The following RELN variants were observed in gnomAD, a reference collection of about 807,000 sequenced individuals.
RELN encodes reelin.
RELN carries 108 observed loss-of-function variants against 427.6 expected under a neutral mutation model. That is an observed-to-expected ratio of 0.25 (90% confidence interval 0.22 to 0.30). The LOEUF (loss-of-function observed/expected upper bound fraction) is 0.30, where lower values mean the gene tolerates loss of function less well. RELN is among the 10% of genes least tolerant of loss of function. The pLI, the probability that RELN is intolerant of heterozygous loss-of-function variation, is 1.00. For missense variants in RELN, 3,715 were observed against 4,302.8 expected (o/e 0.86, Z 3.82); for synonymous variants, 1,524 against 1,513.4 (o/e 1.01, Z -0.16).
chr7:103,560,020 G>A lies in RELN; in HGVS notation c.5529+1512C>T, dbSNP rs1830608268. On this transcript the variant is annotated intron_variant, in intron 36 of 64. Coordinates refer to ENST00000428762, the MANE Select transcript of RELN (RefSeq NM_005045.4). Reference sequence around the variant, plus strand: ...GAGCAATTTTATTGAAAGTGAGCATGATTTGTAATCTGAAAGTATCTTTCT... The same window carrying A: ...GAGCAATTTTATTGAAAGTGAGCATAATTTGTAATCTGAAAGTATCTTTCT... Among the ~76,000 whole-genome samples the A allele has an allele frequency of 2.6e-5, 4 of 152,142 alleles. No homozygotes were observed. The South Asian group carries it at 8.3e-4, about 32-fold the overall frequency.
rs1015401882 is a variant in RELN at position 103,830,523 on chromosome 7, G to GTT, written c.473+3012_473+3013dup. Among the ~76,000 whole-genome samples, 4 of 150,528 alleles carry GTT rather than the reference G, an allele frequency of 2.7e-5. No individual in the cohort carries two copies. The East Asian group carries it at 5.8e-4, about 22-fold the overall frequency. On this transcript the variant is annotated intron_variant, in intron 3 of 64. Coordinates refer to ENST00000428762, the MANE Select transcript of RELN (RefSeq NM_005045.4). ...TTTACCCTCAAATGCCAGAAGCTGT[G>GTT]TTTTTTTTTAGTTTAATATTTAAAA...
At chr7:103,765,778 T>A (rs1225592316) in intron 4 of RELN, among the ~76,000 whole-genome samples, 1 of 152,160 alleles carries the variant, frequency 6.6e-6, no homozygotes, top group Non-Finnish European at 1.5e-5. Flanking sequence ...AATAACTCAA[T>A]GTAAAATCCT....
chr7:103,843,707 G>A (rs1452516921), intron 2 of RELN, among the ~76,000 whole-genome samples: 2 of 152,166 alleles, frequency 1.3e-5, no homozygotes, highest in African/African-American at 4.8e-5. Flanking sequence ...AGATATGAGT[G>A]AGACATTTCT....
In RELN at chr7:103,640,228, G is replaced by A. The variant is rs1832669486; in HGVS notation, c.2069+315C>T. Among the ~76,000 whole-genome samples the A allele has an allele frequency of 6.6e-6, 1 of 152,176 alleles. No individual in the cohort carries two copies. Among genetic ancestry groups the A allele is most frequent in the South Asian group, 2.1e-4 (1 of 4,816 alleles). Reference sequence around the variant, plus strand: ...TGCTAGGAATTACAATGTGACTCATGAACACCCGAACAAGTTTATGGAAAA... The same window carrying A: ...TGCTAGGAATTACAATGTGACTCATAAACACCCGAACAAGTTTATGGAAAA... On this transcript the variant is annotated intron_variant, in intron 17 of 64. Coordinates refer to ENST00000428762, the MANE Select transcript of RELN (RefSeq NM_005045.4). The surrounding 1 kb of genome is among the most constrained non-coding windows in gnomAD (Gnocchi z 4.1).
chr7:103,684,759 G>C (rs1231877491), intron 10 of RELN, among the ~76,000 whole-genome samples: 1 of 151,782 alleles, frequency 6.6e-6, no homozygotes, highest in Non-Finnish European at 1.5e-5. Context: ...TAATATATGA[G>C]GAAATGCATT....
chr7:103,617,818 T>C (rs951523088), intron 20 of RELN, among the ~76,000 whole-genome samples: 6 of 152,100 alleles, frequency 3.9e-5, no homozygotes, highest in African/African-American at 1.4e-4. Flanking sequence ...GGATCTTTCA[T>C]GAATGGCTTG....
intron 46 of RELN, among the ~76,000 whole-genome samples, chr7:103,530,963 T>G (rs780793819): frequency 6.6e-6 from 1 of 152,190 alleles, no homozygotes; most frequent in Non-Finnish European, 1.5e-5. Flanking sequence ...TGCAAGAATT[T>G]AAGACAGTGC....
intron 6 of RELN, among the ~76,000 whole-genome samples, chr7:103,734,508 A>G (rs964040231): frequency 2.0e-5 from 3 of 152,224 alleles, no homozygotes; most frequent in African/African-American, 7.2e-5. Context: ...AGACATTTTA[A>G]GGGAAATGCT....
chr7:103,864,277 G>GT (rs749699531), intron 2 of RELN, among the ~76,000 whole-genome samples: 82 of 152,024 alleles, frequency 5.4e-4, no homozygotes, highest in East Asian at 1.4e-3. Context: ...GTTAATAACT[G>GT]TTTTTTTTAA....
At chr7:103,917,988 AC>A in intron 1 of RELN, among the ~76,000 whole-genome samples, 1 of 152,252 alleles carries the variant, frequency 6.6e-6, no homozygotes, top group African/African-American at 2.4e-5. Flanking sequence ...GTAGGAAGCA[AC>A]CAAGGGAAGG....
intron 10 of RELN, among the ~76,000 whole-genome samples, chr7:103,696,766 C>T (rs936648607): frequency 7.2e-5 from 11 of 152,252 alleles, no homozygotes; most frequent in Middle Eastern, 3.4e-3. Flanking sequence ...TCTGCATGCA[C>T]TTTTTCTTCC....
intron 2 of RELN, among the ~76,000 whole-genome samples, chr7:103,897,573 T>C (rs941640529): frequency 6.6e-6 from 1 of 152,084 alleles, no homozygotes; most frequent in African/African-American, 2.4e-5. Context: ...GAGTTGTTTA[T>C]ATACAAAACT....
intron 46 of RELN, 72 bp downstream of exon 46, chr7:103,535,244 C>T (rs1830022923): frequency 8.4e-6 from 12 of 1,428,808 alleles, no homozygotes; most frequent in Non-Finnish European, 1.2e-5. Flanking sequence ...TTAAACTTGA[C>T]ATGCCAAATG....
At chr7:103,951,247 C>T (rs188151115) in intron 1 of RELN, among the ~76,000 whole-genome samples, 2 of 152,268 alleles carry the variant, frequency 1.3e-5, no homozygotes, top group Admixed American at 1.3e-4. Flanking sequence ...TGCTAATAGT[C>T]GAGTACATTT....
Position 103,775,376 on chromosome 7 carries a change from T to C in RELN, c.544+1181A>G, listed in dbSNP as rs867704818. On this transcript the variant is annotated intron_variant, in intron 4 of 64. Coordinates refer to ENST00000428762, the MANE Select transcript of RELN (RefSeq NM_005045.4). ...GAAGTTTTATAATTCAAGAACTATG[T>C]GTGTAAATCATCAGGATTTTGCCAT... is the stretch of plus-strand genomic sequence containing the variant. 2.6e-5 allele frequency among the ~76,000 whole-genome samples: 4 copies of C among 152,334 alleles called. No homozygotes were observed. The Middle Eastern group carries it at 0.01, about 389-fold the overall frequency.
At chr7:103,613,564 G>A (rs539509464) in intron 20 of RELN, among the ~76,000 whole-genome samples, 1 of 152,306 alleles carries the variant, frequency 6.6e-6, no homozygotes, top group East Asian at 1.9e-4. Flanking sequence ...GGTCTTTTAA[G>A]TAGGCAAAAG....
At chr7:103,510,114 T>C (rs1276272878) in intron 51 of RELN, among the ~76,000 whole-genome samples, 1 of 152,130 alleles carries the variant, frequency 6.6e-6, no homozygotes, top group Admixed American at 6.5e-5. Context: ...AGAAATACCA[T>C]TGCACCCAGC....
At chr7:103,763,277 TAA>T (rs1236567143) in intron 4 of RELN, among the ~76,000 whole-genome samples, 1 of 152,182 alleles carries the variant, frequency 6.6e-6, no homozygotes, top group East Asian at 1.9e-4. Flanking sequence ...ATTAAAGAAA[TAA>T]GAGTAATTCG....
chr7:103,848,015 T>C (rs1287395756), intron 2 of RELN, among the ~76,000 whole-genome samples: 1 of 152,222 alleles, frequency 6.6e-6, no homozygotes, highest in African/African-American at 2.4e-5. Context: ...TGTTTGTATA[T>C]GGCAGCAGTC....
Sources: gnomAD v4.1 joint callset for allele counts (sites outside exome capture counted in the v4.1 genomes callset) on GRCh38, gnomAD v4.1.1 for gene constraint, Gnocchi (gnomAD v3.1) non-coding constraint, MANE v1.5 for transcripts, NCBI Gene and HGNC (gene_info 2026-07-23, HGNC 2026-07-21) for gene names.